KLHL2: variants seen among roughly 807,000 people sequenced by gnomAD.
KLHL2 encodes the protein kelch-like protein 2.
Under a neutral mutation model 75.8 loss-of-function variants are expected in KLHL2, and 15 were observed. The observed-to-expected ratio is 0.20, with a 90% CI of 0.13 to 0.30. The LOEUF is 0.30. Among genes scored for constraint, KLHL2 ranks in the 10% least tolerant of loss-of-function variants. KLHL2 has a pLI of 1.00. For missense variants in KLHL2, 381 were observed against 741.0 expected (o/e 0.51, Z 5.64); for synonymous variants, 214 against 251.9 (o/e 0.85, Z 1.42).
intron 4 of KLHL2, 72 bp downstream of exon 4, chr4:165,238,971 A>G: frequency 1.8e-5 from 28 of 1,532,348 alleles, no homozygotes; most frequent in Non-Finnish European, 2.4e-5. Context: ...GCACACCCAC[A>G]CAGTATACAA....
chr4:165,305,499 C>A, intron 8 of KLHL2, 109 bp from the exon 9 acceptor site: 1 of 845,454 alleles, frequency 1.2e-6, no homozygotes, highest in Non-Finnish European at 2.0e-6. Context: ...GCCAGCTCAC[C>A]CTATCATCTT....
chr4:165,281,527 G>T (rs1743685090), intron 5 of KLHL2, among the ~76,000 whole-genome samples: 1 of 152,106 alleles, frequency 6.6e-6, no homozygotes, highest in Admixed American at 6.5e-5. Flanking sequence ...GTGTTAGCCA[G>T]GATGGTCTCG....
chr4:165,214,685 A>G (rs185753395), intron 1 of KLHL2, among the ~76,000 whole-genome samples: 1 of 152,028 alleles, frequency 6.6e-6, no homozygotes, highest in African/African-American at 2.4e-5. Context: ...GCTCTTTAAT[A>G]CCTCCCTCTG....
intron 1 of KLHL2, among the ~76,000 whole-genome samples, chr4:165,210,702 T>A (rs1417333673): frequency 6.6e-6 from 1 of 152,186 alleles, no homozygotes; most frequent in Non-Finnish European, 1.5e-5. Flanking sequence ...TAAAGGAATT[T>A]CAGATGGTAA....
intron 1 of KLHL2, among the ~76,000 whole-genome samples, chr4:165,213,974 A>G (rs1737370955): frequency 6.6e-6 from 1 of 152,192 alleles, no homozygotes; most frequent in Non-Finnish European, 1.5e-5. Flanking sequence ...TTTGACTTTC[A>G]TATTACATTT....
intron 4 of KLHL2, among the ~76,000 whole-genome samples, chr4:165,256,571 C>T (rs1449171304): frequency 2.0e-5 from 3 of 152,134 alleles, no homozygotes; most frequent in East Asian, 1.9e-4. Flanking sequence ...TAATATTTCC[C>T]GGAGAAGCCA....
chr4:165,278,534 T>A, intron 5 of KLHL2: 1 of 1,609,848 alleles, frequency 6.2e-7, no homozygotes, highest in Non-Finnish European at 8.5e-7. Context: ...GGGCTCCCAA[T>A]AAGGTGCATA....
intron 4 of KLHL2, among the ~76,000 whole-genome samples, chr4:165,242,308 C>T (rs901940609): frequency 2.0e-5 from 3 of 152,046 alleles, no homozygotes; most frequent in Non-Finnish European, 4.4e-5. Flanking sequence ...TGCTCTTTGA[C>T]ATTTGGTGGT....
intron 1 of KLHL2, among the ~76,000 whole-genome samples, chr4:165,208,185 G>A (rs1736962729): frequency 6.6e-6 from 1 of 152,102 alleles, no homozygotes; most frequent in South Asian, 2.1e-4. Flanking sequence ...GGGTGACCCT[G>A]CAGGTCCTGT....
intron 8 of KLHL2, among the ~76,000 whole-genome samples, chr4:165,300,282 G>C (rs1471763890): frequency 6.7e-6 from 1 of 149,914 alleles, no homozygotes; most frequent in Non-Finnish European, 1.5e-5. Context: ...AATGTGACAG[G>C]CTCTGTCTCA....
In KLHL2 at chr4:165,317,447, C is replaced by T. The variant is rs371668799; in HGVS notation, c.1610-379C>T. On this transcript the variant is annotated intron_variant, in intron 13 of 14. Coordinates refer to ENST00000226725, the MANE Select transcript of KLHL2 (RefSeq NM_007246.4). ...GTGTGGTCTTGGCTCTCTGTAGCCTCTGCCTCCCTGGGTTCAAGTGATTCT... is the reference window on the plus strand; with the variant it reads ...GTGTGGTCTTGGCTCTCTGTAGCCTTTGCCTCCCTGGGTTCAAGTGATTCT... Among the ~76,000 whole-genome samples, 11 of 151,708 alleles carry T rather than the reference C, an allele frequency of 7.3e-5. No individual in the cohort carries two copies. In the East Asian group the frequency reaches 1.6e-3, roughly 21 times the overall value.
At chr4:165,209,390 G>A (rs991161660) in intron 1 of KLHL2, 1 of 152,184 alleles carries the variant, frequency 6.6e-6, no homozygotes, top group Non-Finnish European at 1.5e-5. Flanking sequence ...TTCTACATAA[G>A]TTCCTGCAGT....
At chr4:165,238,712 C>T (rs1739563585) in intron 3 of KLHL2, 66 bp from the exon 4 acceptor site, 2 of 1,602,184 alleles carry the variant, frequency 1.2e-6, no homozygotes, top group Non-Finnish European at 1.7e-6. Context: ...TATCAATCTA[C>T]ATTGGCATTG....
chr4:165,280,603 AT>A (rs2126416426), intron 5 of KLHL2, among the ~76,000 whole-genome samples: 1 of 152,352 alleles, frequency 6.6e-6, no homozygotes, highest in African/African-American at 2.4e-5. Context: ...GATACAGAAG[AT>A]TCTTCCTTTG....
chr4:165,303,737 A>G (rs1579164424), intron 8 of KLHL2, among the ~76,000 whole-genome samples: 2 of 149,952 alleles, frequency 1.3e-5, no homozygotes. Context: ...TAATTTTTGT[A>G]TTTTTGGTAG....
Position 165,291,816 on chromosome 4 carries a change from C to T in KLHL2, c.545-2543C>T, listed in dbSNP as rs565888016. Among the ~76,000 whole-genome samples the T allele has an allele frequency of 2.6e-5, 4 of 152,098 alleles. No homozygotes were observed. In the South Asian group the frequency reaches 6.2e-4, roughly 24 times the overall value. ...TGCATACAGCCTACTCACATCCTCCCGTATACTTTATTTTTAATTTTTTTT... is the reference window on the plus strand; with the variant it reads ...TGCATACAGCCTACTCACATCCTCCTGTATACTTTATTTTTAATTTTTTTT... On this transcript the variant is annotated intron_variant, in intron 5 of 14. Coordinates refer to ENST00000226725, the MANE Select transcript of KLHL2 (RefSeq NM_007246.4).
At chr4:165,318,355 G>A (rs775170121) in intron 14 of KLHL2, among the ~76,000 whole-genome samples, 2 of 152,152 alleles carry the variant, frequency 1.3e-5, no homozygotes, top group Non-Finnish European at 2.9e-5. Flanking sequence ...TAGTGAGGCT[G>A]TGGAATAATT....
At position 165,284,894 on chromosome 4, in the gene KLHL2, G is replaced by A. The variant is rs142661665; in HGVS notation, c.545-9465G>A. Among the ~76,000 whole-genome samples, 358 of 152,322 alleles carry A rather than the reference G, an allele frequency of 2.4e-3. 1 individual carries two copies. Among genetic ancestry groups the A allele is most frequent in the Non-Finnish European group, 4.1e-3 (279 of 68,020 alleles). On this transcript the variant is annotated intron_variant, in intron 5 of 14. Transcript: ENST00000226725. ...CAAGTCACATCCTACATGGATGGCA[G>A]CAGGCAAACAGAGCTTGTGCAAGGA...
Position 165,306,109 on chromosome 4 carries a change from A to G in KLHL2, c.1039+384A>G, listed in dbSNP as rs368463971. Among the ~76,000 whole-genome samples, 7 of 152,246 alleles carry G rather than the reference A, an allele frequency of 4.6e-5. No homozygotes were observed. In the East Asian group the frequency reaches 1.3e-3, roughly 29 times the overall value. ...AAGGCATAATTGCCTTCTTCAAGGC[A>G]TCTGTTTTACAAACATTTGTTGAAA... is the stretch of plus-strand genomic sequence containing the variant. On this transcript the variant is annotated intron_variant, in intron 9 of 14. Coordinates refer to ENST00000226725, the MANE Select transcript of KLHL2 (RefSeq NM_007246.4).
Sources: gnomAD v4.1 joint callset for allele counts (sites outside exome capture counted in the v4.1 genomes callset) on GRCh38, gnomAD v4.1.1 for gene constraint, MANE v1.5 for transcripts, NCBI Gene and HGNC (gene_info 2026-07-23, HGNC 2026-07-21) for gene names.